Variants in CLCA2 observed in about 807,000 individuals in gnomAD.
CLCA2 encodes chloride channel accessory 2.
CLCA2 carries 85 observed loss-of-function variants against 82.9 expected under a neutral mutation model. That is an observed-to-expected ratio of 1.03 (90% confidence interval 0.86 to 1.23). The LOEUF (loss-of-function observed/expected upper bound fraction) is 1.23, where lower values mean the gene tolerates loss of function less well. Ranked by LOEUF, CLCA2 falls within the 50% of genes most tolerant of loss-of-function variation. CLCA2 has a pLI of 0.00. For missense variants in CLCA2, 1,089 were observed against 1,124.8 expected (o/e 0.97, Z 0.45); for synonymous variants, 421 against 391.7 (o/e 1.07, Z -0.88).
Position 86,424,253 on chromosome 1 carries a change from C to G in CLCA2, c.6C>G (p.Thr2=), listed in dbSNP as rs779211705. The stretch of plus-strand genomic sequence containing the variant: ...ACTGGAGGCTTCTCTACAACATGAC[C>G]CAAAGGAGCATTGCAGGTCCTATTT... The part of the protein sequence containing the change: M[T]QRSIAGPICN... The change falls in exon 1 of 14, where the codon ACC becomes ACG. Residue 2 remains threonine (T), a synonymous_variant. Coordinates refer to ENST00000370565, the MANE Select transcript of CLCA2 (RefSeq NM_006536.7). 3.1e-6 allele frequency: 5 copies of G among 1,611,784 alleles called. No individual in the cohort carries two copies. Among genetic ancestry groups the G allele is most frequent in the South Asian group, 1.1e-5 (1 of 90,694 alleles).
chr1:86,436,920 G>T (rs1043723448), intron 6 of CLCA2, among the ~76,000 whole-genome samples: 2 of 152,108 alleles, frequency 1.3e-5, no homozygotes, highest in Non-Finnish European at 2.9e-5. Context: ...TCCATGATTG[G>T]TCAGGCTGGT....
intron 6 of CLCA2, among the ~76,000 whole-genome samples, chr1:86,436,763 A>G (rs11161822): frequency 0.092 from 13,939 of 151,914 alleles, 714 homozygotes; most frequent in Middle Eastern, 0.16. Context: ...GCCCAGGCTG[A>G]AGTACAATGG....
chr1:86,441,460 G>C lies in CLCA2; in HGVS notation c.1405G>C (p.Asp469His). ...LTGGLKFFVP[D>H]ISNSNSMIDA... Reference sequence around the variant, plus strand: ...AGGAGGTTTAAAGTTCTTTGTTCCAGATATATCAAACTCCAATAGCATGAT... The same window carrying C: ...AGGAGGTTTAAAGTTCTTTGTTCCACATATATCAAACTCCAATAGCATGAT... Residue 469 changes from aspartate to histidine, a missense_variant, in exon 9 of 14, where the codon GAT (aspartate) becomes CAT (histidine). Physicochemically the swap from Asp to His is moderately conservative, Grantham distance 81 (BLOSUM62 -1). Coordinates refer to ENST00000370565, the MANE Select transcript of CLCA2 (RefSeq NM_006536.7). The C allele has an allele frequency of 6.2e-7, 1 of 1,607,446 alleles. No individual in the cohort carries two copies. Among genetic ancestry groups the C allele is most frequent in the South Asian group, 1.1e-5 (1 of 90,564 alleles).
chr1:86,453,288 A>C, intron 12 of CLCA2, 81 bp from the exon 13 acceptor site: 1 of 1,039,344 alleles, frequency 9.6e-7, no homozygotes. Flanking sequence ...AAGGTTTAAG[A>C]AAGTCTCACT....
intron 6 of CLCA2, among the ~76,000 whole-genome samples, chr1:86,435,810 C>T (rs1209553565): frequency 2.0e-5 from 3 of 152,066 alleles, no homozygotes; most frequent in Non-Finnish European, 4.4e-5. Flanking sequence ...ACTCAAAACT[C>T]ATCACTTCTT....
chr1:86,453,730 T>C, intron 13 of CLCA2, 128 bp downstream of exon 13: 1 of 829,182 alleles, frequency 1.2e-6, no homozygotes, highest in Non-Finnish European at 1.8e-6. Context: ...TGATCAGGCT[T>C]TAAATCCTGG....
In CLCA2 at chr1:86,443,541, T is replaced by G. The variant is rs538767245; in HGVS notation, c.1489-246T>G. On this transcript the variant is annotated intron_variant, in intron 9 of 13. Transcript: ENST00000370565. The stretch of plus-strand genomic sequence containing the variant: ...TAATATGAGGACAGCTAACATCTTT[T>G]AATAAAGAATAATGAAATGACACTT... Among the ~76,000 whole-genome samples, 124 of 152,370 alleles carry G rather than the reference T, an allele frequency of 8.1e-4. 1 individual carries two copies. The highest frequency in any genetic ancestry group is 1.5e-3 in the Non-Finnish European group (104 of 68,034).
At chr1:86,435,350 T>C (rs1403828224) in intron 6 of CLCA2, among the ~76,000 whole-genome samples, 1 of 152,254 alleles carries the variant, frequency 6.6e-6, no homozygotes, top group Non-Finnish European at 1.5e-5. Flanking sequence ...AAAATTCTTA[T>C]GTATAATGAA....
At position 86,428,441 on chromosome 1, in the gene CLCA2, G is replaced by C. The variant is rs746993960; in HGVS notation, c.348G>C (p.Trp116Cys). The C allele has an allele frequency of 3.1e-6, 5 of 1,609,386 alleles. No homozygotes were observed. In the Middle Eastern group the frequency reaches 6.6e-4, roughly 213 times the overall value. The change falls in exon 3 of 14, where the codon TGG (tryptophan) becomes TGC (cysteine). Residue 116 changes from tryptophan to cysteine, a missense_variant. Coordinates refer to ENST00000370565, the MANE Select transcript of CLCA2 (RefSeq NM_006536.7). ...YEKANVIVTD[W>C]YGAHGDDPYT... ...AGGCAAATGTCATAGTGACTGACTG[G>C]TATGGGGCACATGGAGATGATCCAT...
chr1:86,432,844 A>G (rs945424041), intron 5 of CLCA2, among the ~76,000 whole-genome samples: 2 of 152,238 alleles, frequency 1.3e-5, no homozygotes, highest in Non-Finnish European at 2.9e-5. Context: ...TGAGAGTGAT[A>G]TAACAAATGG....
intron 6 of CLCA2, among the ~76,000 whole-genome samples, chr1:86,436,311 G>A (rs1379237538): frequency 6.6e-6 from 1 of 152,170 alleles, no homozygotes; most frequent in Non-Finnish European, 1.5e-5. Flanking sequence ...TATTTACCCC[G>A]CAGAAACTGG....
At chr1:86,434,875 G>A in intron 6 of CLCA2, 130 bp downstream of exon 6, 1 of 733,440 alleles carries the variant, frequency 1.4e-6, no homozygotes, top group South Asian at 1.8e-5. Flanking sequence ...GTAGACATGT[G>A]CCATAGTGGT....
At position 86,434,689 on chromosome 1, in the gene CLCA2, C is replaced by G. The variant is rs17409304; in HGVS notation, c.916C>G (p.Gln306Glu). Residue 306 changes from glutamine (Q) to glutamate (E), a missense_variant, in exon 6 of 14, where the codon CAG becomes GAG. Physicochemically the swap from Gln to Glu is conservative, Grantham distance 29. Transcript: ENST00000370565. Reference protein sequence around the residue: ...LPPPPTFSLVQAGDKVVCLVL... With the variant: ...LPPPPTFSLVEAGDKVVCLVL... ...ACCTCCTCCCACATTCTCGCTTGTACAGGCTGGTGACAAAGTGGTCTGTTT... is the reference window on the plus strand; with the variant it reads ...ACCTCCTCCCACATTCTCGCTTGTAGAGGCTGGTGACAAAGTGGTCTGTTT... 0.32 allele frequency: 518,008 copies of G among 1,612,636 alleles called. 85,653 individuals are homozygous for G. Among genetic ancestry groups the G allele is most frequent in the Admixed American group, 0.35 (21,131 of 60,008 alleles).
chr1:86,432,580 T>A, intron 5 of CLCA2, 52 bp downstream of exon 5: 1 of 1,563,416 alleles, frequency 6.4e-7, no homozygotes, highest in Non-Finnish European at 8.7e-7. Flanking sequence ...TCTCTTCCCA[T>A]GTTTCAAGTA....
chr1:86,432,463 AC>A lies in CLCA2; in HGVS notation c.681del (p.Phe228LeufsTer13). The A allele has an allele frequency of 6.2e-7, 1 of 1,614,074 alleles. No homozygotes were observed. Among genetic ancestry groups the A allele is most frequent in the Non-Finnish European group, 8.5e-7 (1 of 1,179,964 alleles). On this transcript the variant is annotated frameshift_variant, in exon 5 of 14. Transcript: ENST00000370565. LOFTEE classifies it high-confidence loss of function. ...TAGTAAGCTTTTTAAAGAAGGATGCACCTTTATCTACAATAGCACCCAAAAT... is the reference window on the plus strand; with the variant it reads ...TAGTAAGCTTTTTAAAGAAGGATGCACTTTATCTACAATAGCACCCAAAAT... Reference protein sequence around the residue: ...IISKLFKEGCTFIYNSTQNAT... With the variant: ...IISKLFKEGCXFIYNSTQNAT...
At chr1:86,444,215 C>T (rs1364892257) in intron 10 of CLCA2, among the ~76,000 whole-genome samples, 1 of 152,102 alleles carries the variant, frequency 6.6e-6, no homozygotes, top group East Asian at 1.9e-4. Flanking sequence ...ATATTAGACA[C>T]CAAATACTTC....
rs1435508657 is a variant in CLCA2 at position 86,428,423 on chromosome 1, T to C, written c.330T>C (p.Asn110=). The C allele has an allele frequency of 1.9e-6, 3 of 1,593,282 alleles. No homozygotes were observed. Among genetic ancestry groups the C allele is most frequent in the East Asian group, 4.5e-5 (2 of 44,422 alleles). The change falls in exon 3 of 14, where the codon AAT becomes AAC. Residue 110 remains asparagine, a synonymous_variant. Transcript: ENST00000370565. ...KIKQESYEKA[N]VIVTDWYGAH... Reference sequence around the variant, plus strand: ...AGGCATTTCTTTTAATTTAGGCAAATGTCATAGTGACTGACTGGTATGGGG... The same window carrying C: ...AGGCATTTCTTTTAATTTAGGCAAACGTCATAGTGACTGACTGGTATGGGG...
intron 4 of CLCA2, among the ~76,000 whole-genome samples, chr1:86,431,872 C>T (rs980867809): frequency 1.3e-5 from 2 of 152,142 alleles, no homozygotes; most frequent in Non-Finnish European, 2.9e-5. Flanking sequence ...AAATAGAGTG[C>T]ATTTCTAAAT....
At chr1:86,434,464 A>C (rs898477646) in intron 5 of CLCA2, 54 bp from the exon 6 acceptor site, 33 of 1,442,782 alleles carry the variant, frequency 2.3e-5, no homozygotes, top group Middle Eastern at 3.5e-4. Flanking sequence ...AATGAGAACT[A>C]TGTTTGCTTT....
Sources: allele counts gnomAD v4.1 joint callset (sites outside exome capture counted in the v4.1 genomes callset), GRCh38; gene constraint gnomAD v4.1.1; transcripts MANE v1.5; gene names NCBI Gene and HGNC (gene_info 2026-07-23, HGNC 2026-07-21).